Variants in MED23 observed in about 807,000 individuals in gnomAD.
MED23 encodes the protein mediator complex subunit 23.
A neutral mutation model predicts 163.9 loss-of-function variants in MED23; 105 were observed. That is an observed-to-expected ratio of 0.64 (90% CI 0.55 to 0.75). The LOEUF is 0.75. MED23 is among the 30% of genes least tolerant of loss of function. MED23 has a pLI of 0.00. For missense variants in MED23, 1,054 were observed against 1,649.0 expected, an observed-to-expected ratio of 0.64 and a Z score of 6.25; for synonymous variants, 561 against 565.6, an observed-to-expected ratio of 0.99 and a Z score of 0.12.
chr6:131,602,888 A>G (rs1775589376), intron 16 of MED23, 142 bp downstream of exon 16: 1 of 853,464 alleles, frequency 1.2e-6, no homozygotes, highest in Non-Finnish European at 1.8e-6. Context: ...TGGAAACAAA[A>G]TACTTTAGAA....
intron 30 of MED23, among the ~76,000 whole-genome samples, chr6:131,580,240 G>A (rs1773850828): frequency 6.6e-6 from 1 of 152,054 alleles, no homozygotes; most frequent in African/African-American, 2.4e-5. Context: ...CTGTCACCAA[G>A]GCCTCTGTAT....
chr6:131,591,294 A>C lies in MED23; in HGVS notation c.3686+19T>G, dbSNP rs773067219. 1.9e-6 allele frequency: 3 copies of C among 1,590,298 alleles called. No individual in the cohort carries two copies. Among genetic ancestry groups the C allele is most frequent in the Non-Finnish European group, 2.6e-6 (3 of 1,159,048 alleles). On this transcript the variant is annotated intron_variant, in intron 26 of 28. Coordinates refer to ENST00000368068, the MANE Select transcript of MED23 (RefSeq NM_004830.4). ...CACCCAGCCTACGTCAAATTTCTTT[A>C]AGAAATTATTATACTTACTTTGGAA...
chr6:131,598,572 T>G lies in MED23; in HGVS notation c.2410A>C (p.Asn804His), dbSNP rs764260814. 3.1e-6 allele frequency: 5 copies of G among 1,613,984 alleles called. No homozygotes were observed. In the African/African-American group the frequency reaches 5.3e-5, roughly 17 times the overall value. Residue 804 changes from asparagine to histidine, a missense_variant, in exon 19 of 29, where the codon AAT becomes CAT. Around this residue, in one of 11 missense-constraint regions of MED23, gnomAD observed 228 missense variants for 461.3 expected, o/e 0.49. Transcript: ENST00000368068. The surrounding 1 kb of genome is among the most constrained non-coding windows in gnomAD (Gnocchi z 4.7). The part of the protein sequence containing the change: ...WKMLLETDHI[N>H]QIGYRVLERI... ...TTGACTTACCTATAGCCAATCTGATTAATATGATCTGTTTCCAAGAGCATT... is the reference window on the plus strand; with the variant it reads ...TTGACTTACCTATAGCCAATCTGATGAATATGATCTGTTTCCAAGAGCATT...
At position 131,605,452 on chromosome 6, in the gene MED23, T is replaced by C. The variant is rs751980306; in HGVS notation, c.1401A>G (p.Leu467=). 8.7e-6 allele frequency: 14 copies of C among 1,606,080 alleles called. No homozygotes were observed. In the Admixed American group the frequency reaches 2.2e-4, roughly 25 times the overall value. Residue 467 remains leucine, a synonymous_variant, in exon 14 of 29, where the codon TTA becomes TTG. Transcript: ENST00000368068. ...GAGCAATCTTATAGTCATTCATCTG[T>C]AAACTTTTATTTCTTAGACTCTGCT... ...FLQQSLRNKS[L]QMNDYKIALL...
At chr6:131,610,473 C>T (rs1031678780) in intron 10 of MED23, among the ~76,000 whole-genome samples, 4 of 152,156 alleles carry the variant, frequency 2.6e-5, no homozygotes, top group African/African-American at 9.7e-5. Context: ...ACAGACTTCC[C>T]ATTAACTTTT....
At chr6:131,602,179 A>G (rs1775533815) in intron 17 of MED23, 39 bp downstream of exon 17, 1 of 1,598,812 alleles carries the variant, frequency 6.3e-7, no homozygotes, top group African/African-American at 1.3e-5. Flanking sequence ...GCACACTTTA[A>G]TTCATCTGTT....
downstream of MED23, chr6:131,583,831 G>A (rs755359126): frequency 4.3e-6 from 7 of 1,614,002 alleles, no homozygotes; most frequent in African/African-American, 4.0e-5. Flanking sequence ...CACAGCAGTT[G>A]CAATAACCTT....
At position 131,605,297 on chromosome 6, in the gene MED23, G is replaced by C; in HGVS notation, c.1556C>G (p.Ser519Cys). The change falls in exon 14 of 29, where the codon TCT (serine) becomes TGT (cysteine). Residue 519 changes from serine (S) to cysteine (C), a missense_variant. Transcript: ENST00000368068. ...LPGTNCMASG[S>C]ITPLPMNLLD... Reference sequence around the variant, plus strand: ...GAGGTTCATAGGTAAGGGGGTAATAGATCCTGAAGCCATACAGTTTGTTCC... The same window carrying C: ...GAGGTTCATAGGTAAGGGGGTAATACATCCTGAAGCCATACAGTTTGTTCC... 6.2e-7 allele frequency: 1 copy of C among 1,613,270 alleles called. No individual in the cohort carries two copies. The highest frequency in any genetic ancestry group is 8.5e-7 in the Non-Finnish European group (1 of 1,179,376).
At position 131,627,502 on chromosome 6, in the gene MED23, C is replaced by A. The variant is rs200889740; in HGVS notation, c.72-19G>T. 1 of 1,603,724 alleles carries A rather than the reference C, an allele frequency of 6.2e-7. No homozygotes were observed. The highest frequency in any genetic ancestry group is 8.5e-7 in the Non-Finnish European group (1 of 1,170,824). ...AAACATGCTAAAAAAATAAAAATTA[C>A]ATTATTTGTCATTCGTTTTAAAAAG... is the stretch of plus-strand genomic sequence containing the variant. On this transcript the variant is annotated intron_variant, in intron 2 of 28. Transcript: ENST00000368068.
At chr6:131,594,503 G>C (rs959958399) in intron 22 of MED23, among the ~76,000 whole-genome samples, 168 bp from the exon 23 acceptor site, 4 of 152,204 alleles carry the variant, frequency 2.6e-5, no homozygotes, top group Admixed American at 1.3e-4. Flanking sequence ...AGGAGAGGCA[G>C]AAGGCTCAGA....
intron 27 of MED23, 84 bp downstream of exon 27, chr6:131,590,238 G>T: frequency 7.9e-7 from 1 of 1,268,328 alleles, no homozygotes; most frequent in Non-Finnish European, 1.1e-6. Flanking sequence ...GTTGTGACCT[G>T]CAGTTTCAAT....
chr6:131,573,983 AT>A (rs1480966078), exon 31 of MED23: 2 of 439,920 alleles, frequency 4.5e-6, no homozygotes, highest in African/African-American at 3.9e-5. Context: ...CTCTAAAAGG[AT>A]TTTAATGGAT....
intron 10 of MED23, among the ~76,000 whole-genome samples, chr6:131,611,395 G>T (rs984492871): frequency 3.9e-5 from 6 of 152,046 alleles, no homozygotes; most frequent in African/African-American, 1.4e-4. Context: ...AAGCATCAAT[G>T]GTTGTTTCAT....
Position 131,594,176 on chromosome 6 carries a change from G to A in MED23, c.3155C>T (p.Ala1052Val). The change falls in exon 23 of 29, where the codon GCT becomes GTT. Residue 1052 changes from alanine (A) to valine (V), a missense_variant. By Grantham distance (64) the Ala-to-Val change is moderately conservative. Coordinates refer to ENST00000368068, the MANE Select transcript of MED23 (RefSeq NM_004830.4). The stretch of plus-strand genomic sequence containing the variant: ...AGGATTTTCCTCTCGTGCATTCATA[G>A]CGCATTTCAGGTAAGTGTCACTTAG... The part of the protein sequence containing the change: ...WCLSDTYLKC[A>V]MNAREENPWV... The A allele has an allele frequency of 2.5e-6, 4 of 1,614,094 alleles. No individual in the cohort carries two copies. Among genetic ancestry groups the A allele is most frequent in the Non-Finnish European group, 3.4e-6 (4 of 1,180,012 alleles).
At chr6:131,581,277 TG>T in intron 30 of MED23, 1 of 1,613,902 alleles carries the variant, frequency 6.2e-7, no homozygotes, top group Non-Finnish European at 8.5e-7. Flanking sequence ...TGGAGTCATC[TG>T]GGTGGATGCT....
rs1161750906 is a variant in MED23, at chr6:131,587,119, T to C, written c.*560A>G. ...TGCCAGTTGACCTTGATAGAAACTATGGAAATTTATAATAAAATTTCAAGT... is the reference window on the plus strand; with the variant it reads ...TGCCAGTTGACCTTGATAGAAACTACGGAAATTTATAATAAAATTTCAAGT... On this transcript the variant is annotated 3_prime_UTR_variant, in exon 29 of 29. Coordinates refer to ENST00000368068, the MANE Select transcript of MED23 (RefSeq NM_004830.4). The C allele has an allele frequency of 4.0e-6, 5 of 1,247,632 alleles. No homozygotes were observed. The African/African-American group carries it at 4.7e-5, about 12-fold the overall frequency. The allele number at this position is 1,247,632 out of a possible 1,614,324, so 77.3% of individuals were successfully genotyped here.
downstream of MED23, chr6:131,582,535 C>T (rs574637756): frequency 1.4e-4 from 134 of 976,270 alleles, no homozygotes; most frequent in Middle Eastern, 4.5e-4. Flanking sequence ...ATAAGATATA[C>T]GCAATCCAAT....
In MED23 at chr6:131,599,387, C is replaced by A. The variant is rs1372628988; in HGVS notation, c.2221-626G>T. 3.3e-5 allele frequency among the ~76,000 whole-genome samples: 5 copies of A among 152,222 alleles called. No individual in the cohort carries two copies. The East Asian group carries it at 9.7e-4, about 29-fold the overall frequency. On this transcript the variant is annotated intron_variant, in intron 18 of 28. Coordinates refer to ENST00000368068, the MANE Select transcript of MED23 (RefSeq NM_004830.4). ...AAAGGAGAAGACAGATGAGGTTTGC[C>A]TTTCTCCTTATTAGAAAAGCCAGGT...
chr6:131,628,002 T>C lies in MED23; in HGVS notation c.39+9A>G. The stretch of plus-strand genomic sequence containing the variant: ...GCCGTAGTCCTGGATGGCCGGCAGC[T>C]GCACTCACCACCACCTCTTCGAAAA... On this transcript the variant is annotated intron_variant, in intron 1 of 28. Coordinates refer to ENST00000368068, the MANE Select transcript of MED23 (RefSeq NM_004830.4). The C allele has an allele frequency of 1.2e-6, 2 of 1,613,996 alleles. No homozygotes were observed. Among genetic ancestry groups the C allele is most frequent in the Non-Finnish European group, 1.7e-6 (2 of 1,180,032 alleles).
Sources: allele counts gnomAD v4.1 joint callset (sites outside exome capture counted in the v4.1 genomes callset), GRCh38; gene constraint gnomAD v4.1.1; regional missense constraint gnomAD v4.1.1; non-coding constraint Gnocchi (gnomAD v3.1); transcripts MANE v1.5; gene names NCBI Gene and HGNC (gene_info 2026-07-23, HGNC 2026-07-21).